Variants in PRICKLE1 observed in about 807,000 individuals in gnomAD.
PRICKLE1 encodes the protein prickle planar cell polarity protein 1.
In PRICKLE1, 14 loss-of-function variants were observed where a neutral mutation model predicts 70.2. That is an observed-to-expected ratio of 0.20 (90% CI 0.13 to 0.31). The LOEUF is 0.31. Among genes scored for constraint, PRICKLE1 ranks in the 10% least tolerant of loss-of-function variants. PRICKLE1 has a pLI of 1.00. For synonymous variants in PRICKLE1, 357 were observed against 379.9 expected, an observed-to-expected ratio of 0.94 and a Z score of 0.70; for missense variants, 821 against 1,026.2, an observed-to-expected ratio of 0.80 and a Z score of 2.73.
At chr12:42,531,949 G>A (rs1403961955) in intron 1 of PRICKLE1, among the ~76,000 whole-genome samples, 2 of 152,132 alleles carry the variant, frequency 1.3e-5, no homozygotes, top group Non-Finnish European at 2.9e-5. Flanking sequence ...CTTGAACCCA[G>A]GAGTTCAAGA....
In PRICKLE1 at chr12:42,460,234, T is replaced by C. The variant is rs149496604; in HGVS notation, c.2071A>G (p.Thr691Ala). ...TCCTTGGGAGAGTATTTTCTTTCTGTAACAAGATTCAGGGCATTGTCGGAG... is the reference window on the plus strand; with the variant it reads ...TCCTTGGGAGAGTATTTTCTTTCTGCAACAAGATTCAGGGCATTGTCGGAG... ...SRSDNALNLV[T>A]ERKYSPKDRL... The change falls in exon 8 of 8, where the codon ACA (threonine) becomes GCA (alanine). Residue 691 changes from threonine to alanine, a missense_variant. Thr to Ala is a moderately conservative substitution (Grantham distance 58). Coordinates refer to ENST00000345127, the MANE Select transcript of PRICKLE1 (RefSeq NM_153026.3). The C allele has an allele frequency of 1.8e-4, 292 of 1,614,166 alleles. 2 individuals are homozygous for C. In the African/African-American group the frequency reaches 3.2e-3, roughly 18 times the overall value.
At chr12:42,507,109 G>C (rs1048455118) in intron 1 of PRICKLE1, among the ~76,000 whole-genome samples, 2 of 152,158 alleles carry the variant, frequency 1.3e-5, no homozygotes, top group African/African-American at 4.8e-5. Context: ...GTATGTTCAT[G>C]AAGCTTTTGA....
At chr12:42,569,487 C>T (rs993173605) in intron 1 of PRICKLE1, among the ~76,000 whole-genome samples, 1 of 152,150 alleles carries the variant, frequency 6.6e-6, no homozygotes, top group African/African-American at 2.4e-5. Flanking sequence ...GGGAAGATTT[C>T]TGTGAGCAAG....
At chr12:42,535,010 A>G (rs772945691) in intron 1 of PRICKLE1, among the ~76,000 whole-genome samples, 5 of 152,174 alleles carry the variant, frequency 3.3e-5, no homozygotes, top group Non-Finnish European at 5.9e-5. Flanking sequence ...TCAGTTTGTG[A>G]CAGTTTTGGT....
At chr12:42,538,674 T>C (rs1940055977) in intron 1 of PRICKLE1, among the ~76,000 whole-genome samples, 1 of 152,246 alleles carries the variant, frequency 6.6e-6, no homozygotes, top group African/African-American at 2.4e-5. Flanking sequence ...GTTTGATGTG[T>C]ATCTTTTTTG....
chr12:42,456,934 G>C lies in PRICKLE1; in HGVS notation c.*2875C>G, dbSNP rs912545895. The C allele has an allele frequency of 1.3e-5, 2 of 152,156 alleles. No homozygotes were observed. Among genetic ancestry groups the C allele is most frequent in the African/African-American group, 4.8e-5 (2 of 41,436 alleles). The allele number at this position is 152,156 out of a possible 1,614,324, so 9.4% of individuals were successfully genotyped here. A position where few individuals can be genotyped will look rare whatever the true frequency, so the allele number is the denominator to read the frequency against. On this transcript the variant is annotated 3_prime_UTR_variant, in exon 8 of 8. Transcript: ENST00000345127. ...CATGCCTGTAATCCCCTGCACTTTGGGAGGCTGAGGCAGGTGGATCACCTG... is the reference window on the plus strand; with the variant it reads ...CATGCCTGTAATCCCCTGCACTTTGCGAGGCTGAGGCAGGTGGATCACCTG...
intron 1 of PRICKLE1, among the ~76,000 whole-genome samples, chr12:42,567,279 C>A (rs951547153): frequency 2.0e-5 from 3 of 152,096 alleles, no homozygotes; most frequent in Admixed American, 6.6e-5. Flanking sequence ...TAATATTCCC[C>A]AAAAGTCTAC....
intron 1 of PRICKLE1, among the ~76,000 whole-genome samples, chr12:42,506,241 G>GTTTTTTTTTT (rs774029085): frequency 1.6e-5 from 2 of 122,098 alleles, no homozygotes; most frequent in African/African-American, 3.6e-5. Context: ...AGTAAAAAAT[G>GTTTTTTTTTT]TTCTTTTTTC....
At chr12:42,554,748 G>A (rs1343486528) in intron 1 of PRICKLE1, among the ~76,000 whole-genome samples, 3 of 152,168 alleles carry the variant, frequency 2.0e-5, no homozygotes, top group African/African-American at 4.8e-5. Flanking sequence ...TCTCTTCGTG[G>A]TGAAGGTTAT....
chr12:42,588,234 T>C (rs926051467), intron 1 of PRICKLE1, among the ~76,000 whole-genome samples: 5 of 152,322 alleles, frequency 3.3e-5, no homozygotes, highest in Admixed American at 3.3e-4. Context: ...CAGATGGAAG[T>C]TCCCTCTACT....
chr12:42,533,396 C>T (rs1384400586), intron 1 of PRICKLE1, among the ~76,000 whole-genome samples: 1 of 152,260 alleles, frequency 6.6e-6, no homozygotes, highest in East Asian at 1.9e-4. Context: ...TTCTGCGTTT[C>T]ATACCAGTGA....
rs1246006279 is a variant in PRICKLE1 at position 42,465,155 on chromosome 12, GA to G, written c.878del (p.Phe293SerfsTer64). The G allele has an allele frequency of 6.3e-7, 1 of 1,591,870 alleles. No homozygotes were observed. The part of the protein sequence containing the change: ...QCKASLLGCP[F>X]LPKQGQIYCS... ...AGTAAATCTGACCCTGTTTGGGAAGGAAGGGACATCCCAACAAAGAGGCTTT... is the reference window on the plus strand; with the variant it reads ...AGTAAATCTGACCCTGTTTGGGAAGGAGGGACATCCCAACAAAGAGGCTTT... On this transcript the variant is annotated frameshift_variant, in exon 7 of 8. Coordinates refer to ENST00000345127, the MANE Select transcript of PRICKLE1 (RefSeq NM_153026.3). LOFTEE classifies it high-confidence loss of function.
intron 1 of PRICKLE1, among the ~76,000 whole-genome samples, chr12:42,577,998 G>A (rs1940830147): frequency 6.6e-6 from 1 of 152,062 alleles, no homozygotes; most frequent in African/African-American, 2.4e-5. Flanking sequence ...CAGTAAATTG[G>A]GATAACCTTG....
chr12:42,470,898 TC>T (rs773980782), intron 2 of PRICKLE1, among the ~76,000 whole-genome samples: 2 of 146,754 alleles, frequency 1.4e-5, no homozygotes, highest in Non-Finnish European at 3.0e-5. Context: ...AGAGCAAGAA[TC>T]CGTCTCAAAA....
At chr12:42,587,371 G>C (rs1941001489) in intron 1 of PRICKLE1, among the ~76,000 whole-genome samples, 1 of 149,666 alleles carries the variant, frequency 6.7e-6, no homozygotes, top group South Asian at 2.1e-4. Context: ...CCTTCCTTTT[G>C]AGGCTTATTT....
intron 1 of PRICKLE1, among the ~76,000 whole-genome samples, chr12:42,516,148 TTGAGACAGAGTCTCGC>T (rs1055185106): frequency 2.0e-5 from 3 of 152,164 alleles, no homozygotes; most frequent in African/African-American, 7.2e-5. Flanking sequence ...ACTTTTTTTT[TTGAGACAGAGTCTCGC>T]TCTGTCGCTC....
intron 1 of PRICKLE1, among the ~76,000 whole-genome samples, chr12:42,563,799 G>A (rs1358481836): frequency 2.7e-5 from 4 of 150,910 alleles, no homozygotes; most frequent in African/African-American, 9.7e-5. Context: ...TTTAAATAGA[G>A]TACAGACAGG....
chr12:42,573,297 G>A (rs1006473661), intron 1 of PRICKLE1, among the ~76,000 whole-genome samples: 3 of 152,250 alleles, frequency 2.0e-5, no homozygotes, highest in East Asian at 3.9e-4. Context: ...TTGCCAAATA[G>A]ACCAACAGAC....
chr12:42,466,354 T>C lies in PRICKLE1; in HGVS notation c.615A>G (p.Glu205=). ...DEIIFADECT[E]AEGRHWHMKH... The stretch of plus-strand genomic sequence containing the variant: ...TCATGTGCCAATGGCGACCCTCAGC[T>C]TCTGTGCACTCATCAGCAAAAATTA... The change falls in exon 6 of 8, where the codon GAA becomes GAG. Residue 205 remains glutamate (E), a synonymous_variant. Transcript: ENST00000345127. The C allele has an allele frequency of 6.2e-7, 1 of 1,614,202 alleles. No individual in the cohort carries two copies. The highest frequency in any genetic ancestry group is 8.5e-7 in the Non-Finnish European group (1 of 1,180,036).
Sources: allele counts gnomAD v4.1 joint callset (sites outside exome capture counted in the v4.1 genomes callset), GRCh38; gene constraint gnomAD v4.1.1; transcripts MANE v1.5; gene names NCBI Gene and HGNC (gene_info 2026-07-23, HGNC 2026-07-21).